C10orf90: variants seen among roughly 807,000 people sequenced by gnomAD.
C10orf90 encodes chromosome 10 open reading frame 90.
A neutral mutation model predicts 62.5 loss-of-function variants in C10orf90; 56 were observed. The ratio of observed to expected loss-of-function variants is 0.90; its 90% CI spans 0.72 to 1.12. The LOEUF (loss-of-function observed/expected upper bound fraction) is 1.12, where lower values mean the gene tolerates loss of function less well. Among genes scored for constraint, C10orf90 ranks in the 50% most tolerant of loss-of-function variants. The probability of loss-of-function intolerance (pLI) is 0.00; values close to 1 mark genes in which losing one functional copy is unlikely to be tolerated. For synonymous variants in C10orf90, 386 were observed against 340.4 expected (o/e 1.13, Z -1.47); for missense variants, 970 against 880.4 (o/e 1.10, Z -1.29).
At chr10:126,624,294 TGA>T in intron 2 of C10orf90, among the ~76,000 whole-genome samples, 1 of 151,578 alleles carries the variant, frequency 6.6e-6, no homozygotes, top group East Asian at 2.0e-4. Flanking sequence ...TGCAGTGAGC[TGA>T]GATTGTGCCA....
At chr10:126,439,498 A>G (rs1858160292) in intron 7 of C10orf90, among the ~76,000 whole-genome samples, 1 of 152,238 alleles carries the variant, frequency 6.6e-6, no homozygotes, top group Non-Finnish European at 1.5e-5. Context: ...GCATCATCTG[A>G]CAAAGAATTC....
chr10:126,433,079 A>G (rs941498014), intron 7 of C10orf90, among the ~76,000 whole-genome samples: 4 of 152,180 alleles, frequency 2.6e-5, no homozygotes, highest in Admixed American at 2.6e-4. Context: ...GAAAGATGGC[A>G]GCGTGCAGGT....
At chr10:126,661,427 C>T (rs1258498972) in intron 1 of C10orf90, among the ~76,000 whole-genome samples, 1 of 152,264 alleles carries the variant, frequency 6.6e-6, no homozygotes, top group South Asian at 2.1e-4. Flanking sequence ...AGAAAATTGC[C>T]AAGGTCACTC....
intron 2 of C10orf90, among the ~76,000 whole-genome samples, chr10:126,631,850 C>T (rs373590721): frequency 3.8e-4 from 57 of 151,970 alleles, no homozygotes; most frequent in East Asian, 2.9e-3. Flanking sequence ...AGAACCACAA[C>T]GTGGACCTTC....
At chr10:126,480,356 A>G (rs1239016555) in intron 4 of C10orf90, among the ~76,000 whole-genome samples, 1 of 152,240 alleles carries the variant, frequency 6.6e-6, no homozygotes, top group East Asian at 1.9e-4. Flanking sequence ...TAAATATAGT[A>G]ATTTCTAATT....
At chr10:126,507,974 T>C (rs961502318) in intron 3 of C10orf90, among the ~76,000 whole-genome samples, 1 of 152,046 alleles carries the variant, frequency 6.6e-6, no homozygotes, top group African/African-American at 2.4e-5. Context: ...ATAATTGTTC[T>C]TGTGTACCCC....
At chr10:126,557,687 T>C (rs1287036041) in intron 2 of C10orf90, among the ~76,000 whole-genome samples, 1 of 152,160 alleles carries the variant, frequency 6.6e-6, no homozygotes, top group Non-Finnish European at 1.5e-5. Context: ...CCTGCTGGAA[T>C]TCTCTGCTTC....
intron 1 of C10orf90, 138 bp downstream of exon 1, chr10:126,670,103 A>G (rs535313192): frequency 3.0e-6 from 1 of 335,672 alleles, no homozygotes; most frequent in East Asian, 7.7e-5. Context: ...GGCTTTTCCA[A>G]ATCCCTTAGG....
chr10:126,559,392 C>T (rs1483193004), intron 2 of C10orf90, among the ~76,000 whole-genome samples: 2 of 152,174 alleles, frequency 1.3e-5, no homozygotes, highest in African/African-American at 4.8e-5. Context: ...ACCTGATATC[C>T]CTTCTATCAA....
chr10:126,615,997 T>C (rs1312879294), intron 2 of C10orf90, among the ~76,000 whole-genome samples: 3 of 152,246 alleles, frequency 2.0e-5, no homozygotes, highest in Non-Finnish European at 4.4e-5. Flanking sequence ...CTATTAACCA[T>C]GTGCGTGTCC....
At chr10:126,543,972 T>G (rs1252819592) in intron 2 of C10orf90, among the ~76,000 whole-genome samples, 1 of 152,168 alleles carries the variant, frequency 6.6e-6, no homozygotes, top group African/African-American at 2.4e-5. Flanking sequence ...TAGGTAGGAC[T>G]AGGGCAAGCT....
At chr10:126,467,173 A>T (rs1203644131) in intron 4 of C10orf90, among the ~76,000 whole-genome samples, 1 of 152,220 alleles carries the variant, frequency 6.6e-6, no homozygotes, top group Non-Finnish European at 1.5e-5. Flanking sequence ...GTAAATTTTT[A>T]TGTGAATGAG....
At chr10:126,609,231 C>T (rs764152383) in intron 2 of C10orf90, among the ~76,000 whole-genome samples, 7 of 152,114 alleles carry the variant, frequency 4.6e-5, no homozygotes, top group East Asian at 1.9e-4. Flanking sequence ...GATGAAACCC[C>T]GTCTCTGTTA....
At chr10:126,564,974 T>A (rs1267918487) in intron 2 of C10orf90, among the ~76,000 whole-genome samples, 1 of 25,556 alleles carries the variant, frequency 3.9e-5, no homozygotes, top group African/African-American at 1.4e-4. Context: ...ATATATATAA[T>A]ATATAAAATA....
intron 2 of C10orf90, among the ~76,000 whole-genome samples, chr10:126,628,836 G>C (rs1047262678): frequency 1.3e-5 from 2 of 152,202 alleles, no homozygotes; most frequent in African/African-American, 4.8e-5. Flanking sequence ...CTCACTGGCA[G>C]GAGTGCAACT....
At chr10:126,663,668 T>C (rs1184087659) in intron 1 of C10orf90, among the ~76,000 whole-genome samples, 2 of 152,122 alleles carry the variant, frequency 1.3e-5, no homozygotes, top group East Asian at 3.9e-4. Context: ...ACACCAGTTT[T>C]CTTAACATGG....
chr10:126,598,045 T>C (rs1845120834), intron 2 of C10orf90, among the ~76,000 whole-genome samples: 1 of 152,168 alleles, frequency 6.6e-6, no homozygotes, highest in Non-Finnish European at 1.5e-5. Context: ...CTCGTGGGCA[T>C]CCAGATACCC....
chr10:126,630,241 A>C (rs927273519), intron 2 of C10orf90, among the ~76,000 whole-genome samples: 1 of 152,162 alleles, frequency 6.6e-6, no homozygotes, highest in African/African-American at 2.4e-5. Context: ...CTCTGCCTTT[A>C]TGTTGAAGGC....
intron 7 of C10orf90, among the ~76,000 whole-genome samples, chr10:126,451,511 CACAG>C (rs890613811): frequency 6.6e-6 from 1 of 151,954 alleles, no homozygotes; most frequent in African/African-American, 2.4e-5. Flanking sequence ...TATTGTCCTT[CACAG>C]ACACTGTGAG....
Sources: gnomAD v4.1 joint callset for allele counts (sites outside exome capture counted in the v4.1 genomes callset) on GRCh38, gnomAD v4.1.1 for gene constraint, MANE v1.5 for transcripts, NCBI Gene and HGNC (gene_info 2026-07-23, HGNC 2026-07-21) for gene names.